Variants in ESRRG observed in about 807,000 individuals in gnomAD.
The protein encoded by ESRRG is estrogen-related receptor gamma.
A neutral mutation model predicts 44.0 loss-of-function variants in ESRRG; 13 were observed. That is an observed-to-expected ratio of 0.30 (90% confidence interval 0.19 to 0.47). The LOEUF (loss-of-function observed/expected upper bound fraction) is 0.47. ESRRG is among the 20% of genes least tolerant of loss of function. The pLI is 1.00. For synonymous variants in ESRRG, 215 were observed against 214.6 expected, an observed-to-expected ratio of 1.00 and a Z score of -0.02; for missense variants, 395 against 580.6, an observed-to-expected ratio of 0.68 and a Z score of 3.29.
intron 1 of ESRRG, among the ~76,000 whole-genome samples, chr1:216,704,356 A>T (rs6695365): frequency 0.016 from 2,454 of 152,288 alleles, 73 homozygotes; most frequent in African/African-American, 0.056. Flanking sequence ...TCTACTAAAA[A>T]TACAAAAAAA....
intron 1 of ESRRG, among the ~76,000 whole-genome samples, chr1:217,120,497 T>C (rs550724262): frequency 6.6e-6 from 1 of 150,986 alleles, no homozygotes; most frequent in African/African-American, 2.5e-5. Flanking sequence ...ATGTCTTCTC[T>C]ATCTCATTTA....
At chr1:216,987,891 T>A (rs1229080935) in intron 1 of ESRRG, among the ~76,000 whole-genome samples, 1 of 152,162 alleles carries the variant, frequency 6.6e-6, no homozygotes, top group African/African-American at 2.4e-5. Context: ...AGTATACAAA[T>A]ATTCCATCTT....
At chr1:216,574,417 T>A (rs2061343296) in intron 3 of ESRRG, among the ~76,000 whole-genome samples, 1 of 152,098 alleles carries the variant, frequency 6.6e-6, no homozygotes, top group Non-Finnish European at 1.5e-5. Flanking sequence ...TCTTCTTAGG[T>A]CAGCTAATTT....
chr1:216,583,044 GA>G (rs66788317), intron 3 of ESRRG, among the ~76,000 whole-genome samples: 60 of 147,708 alleles, frequency 4.1e-4, no homozygotes, highest in African/African-American at 1.1e-3. Flanking sequence ...AGTGTTTGAA[GA>G]AAAAAAAAAC....
chr1:216,541,561 A>AGTGTGTGTGTGTGT (rs34245595), intron 5 of ESRRG, among the ~76,000 whole-genome samples: 13 of 130,314 alleles, frequency 1.0e-4, no homozygotes, highest in South Asian at 2.6e-4. Context: ...TCTTTTGGTT[A>AGTGTGTGTGTGTGT]GTGTGTGTGT....
chr1:217,077,880 C>A (rs1020183279), intron 1 of ESRRG, among the ~76,000 whole-genome samples: 2 of 152,116 alleles, frequency 1.3e-5, no homozygotes, highest in South Asian at 4.1e-4. Flanking sequence ...TAGTTTAATG[C>A]CCACAGTAAT....
At chr1:216,553,758 A>G (rs1308401237) in intron 5 of ESRRG, among the ~76,000 whole-genome samples, 1 of 152,156 alleles carries the variant, frequency 6.6e-6, no homozygotes, top group African/African-American at 2.4e-5. Flanking sequence ...AAGCTAAAAC[A>G]AAATCCCTAC....
intron 5 of ESRRG, among the ~76,000 whole-genome samples, chr1:216,552,277 C>T (rs1418699165): frequency 6.6e-6 from 1 of 152,024 alleles, no homozygotes; most frequent in African/African-American, 2.4e-5. Flanking sequence ...TAATACTATG[C>T]ATAAGCAGGA....
Position 217,124,944 on chromosome 1 carries a change from C to A in ESRRG, c.-230+12723G>T, listed in dbSNP as rs187372925. On this transcript the variant is annotated intron_variant, in intron 1 of 8. Transcript: ENST00000366940. ...TCTCACACCAAATGGTCTAAAATGG[C>A]CTCAGAATTCCTGAAGGATGCTAAA... is the stretch of plus-strand genomic sequence containing the variant. Among the ~76,000 whole-genome samples, 115 of 152,232 alleles carry A rather than the reference C, an allele frequency of 7.6e-4. 1 individual carries two copies. The East Asian group carries it at 0.015, about 20-fold the overall frequency.
intron 5 of ESRRG, among the ~76,000 whole-genome samples, chr1:216,547,165 T>C (rs2054769531): frequency 6.6e-6 from 1 of 152,038 alleles, no homozygotes; most frequent in African/African-American, 2.4e-5. Context: ...GGTTTAAGAT[T>C]AATTGAGATA....
At chr1:216,954,877 C>G (rs2067658694) in intron 1 of ESRRG, among the ~76,000 whole-genome samples, 1 of 152,096 alleles carries the variant, frequency 6.6e-6, no homozygotes, top group African/African-American at 2.4e-5. Context: ...GCATTGGCAA[C>G]AGCATATGGA....
intron 2 of ESRRG, among the ~76,000 whole-genome samples, chr1:216,780,926 T>C (rs574512123): frequency 1.3e-5 from 2 of 152,082 alleles, no homozygotes; most frequent in African/African-American, 4.8e-5. Context: ...AAAGATCATT[T>C]ATTTATCAAC....
At chr1:216,806,172 G>A (rs1050026254) in intron 2 of ESRRG, among the ~76,000 whole-genome samples, 3 of 152,206 alleles carry the variant, frequency 2.0e-5, no homozygotes, top group South Asian at 2.1e-4. Flanking sequence ...GCTAAAGGCC[G>A]CAGCCTTTGT....
intron 5 of ESRRG, among the ~76,000 whole-genome samples, chr1:216,541,923 C>T (rs2052920766): frequency 1.3e-5 from 2 of 151,842 alleles, no homozygotes; most frequent in African/African-American, 2.4e-5. Context: ...GCTTTGACTA[C>T]TAAGGGTTTG....
intron 1 of ESRRG, among the ~76,000 whole-genome samples, chr1:217,061,595 A>C (rs1214861709): frequency 1.3e-5 from 2 of 152,098 alleles, no homozygotes; most frequent in Non-Finnish European, 2.9e-5. Flanking sequence ...CCCCCAAAGG[A>C]ATGTCCAGGG....
intron 2 of ESRRG, among the ~76,000 whole-genome samples, chr1:216,733,127 C>T (rs61819766): frequency 0.14 from 21,355 of 151,956 alleles, 1,549 homozygotes; most frequent in Middle Eastern, 0.22. Context: ...TCAAAGATTC[C>T]CTTGTTAATA....
intron 3 of ESRRG, among the ~76,000 whole-genome samples, chr1:216,613,063 AG>A (rs1321163939): frequency 6.6e-6 from 1 of 152,128 alleles, no homozygotes; most frequent in Non-Finnish European, 1.5e-5. Flanking sequence ...AAGGGATTTC[AG>A]GGGGAATTTT....
At chr1:216,820,045 G>A (rs371272206) in intron 2 of ESRRG, among the ~76,000 whole-genome samples, 31 of 152,182 alleles carry the variant, frequency 2.0e-4, no homozygotes, top group African/African-American at 5.8e-4. Context: ...GAAAATAAGC[G>A]TTTCTTTACA....
chr1:216,827,381 G>A lies in ESRRG; in HGVS notation c.-14+112201C>T, dbSNP rs553697814. ...TTACACTGTATTTATTCATTGCTCT[G>A]GTTTGTCTTCTGATTTCTAGCATCT... is the stretch of plus-strand genomic sequence containing the variant. On this transcript the variant is annotated intron_variant, in intron 2 of 7. Transcript: ENST00000359162. 3.3e-5 allele frequency among the ~76,000 whole-genome samples: 5 copies of A among 152,176 alleles called. No individual in the cohort carries two copies. In the South Asian group the frequency reaches 1.0e-3, roughly 32 times the overall value.
Sources: gnomAD v4.1 joint callset for allele counts (sites outside exome capture counted in the v4.1 genomes callset) on GRCh38, gnomAD v4.1.1 for gene constraint, MANE v1.5 for transcripts, NCBI Gene and HGNC (gene_info 2026-07-23, HGNC 2026-07-21) for gene names.